The following DOCK3 variants were observed in gnomAD, a reference collection of about 807,000 sequenced individuals.
DOCK3 encodes the protein dedicator of cytokinesis protein 3.
A neutral mutation model predicts 265.6 loss-of-function variants in DOCK3; 60 were observed. The ratio of observed to expected loss-of-function variants is 0.23; its 90% CI spans 0.18 to 0.28. The LOEUF (loss-of-function observed/expected upper bound fraction) is 0.28. DOCK3 is among the 10% of genes least tolerant of loss of function. The pLI is 1.00. For synonymous variants in DOCK3, 881 were observed against 938.0 expected (o/e 0.94, Z 1.11); for missense variants, 1,981 against 2,594.3 (o/e 0.76, Z 5.14).
At chr3:50,979,469 G>A (rs2077611707) in intron 5 of DOCK3, among the ~76,000 whole-genome samples, 1 of 152,100 alleles carries the variant, frequency 6.6e-6, no homozygotes, top group East Asian at 1.9e-4. Flanking sequence ...TGCTCTGTTA[G>A]TTTATATGAG....
intron 32 of DOCK3, among the ~76,000 whole-genome samples, chr3:51,316,585 A>G (rs1174769521): frequency 6.6e-6 from 1 of 152,256 alleles, no homozygotes; most frequent in Non-Finnish European, 1.5e-5. Flanking sequence ...TCTCAGCAGC[A>G]GTATATAATC....
chr3:50,940,289 CAA>C (rs34253657), intron 5 of DOCK3, among the ~76,000 whole-genome samples: 12,155 of 117,344 alleles, frequency 0.1, 667 homozygotes, highest in Non-Finnish European at 0.14. Flanking sequence ...CCATTTCTAC[CAA>C]AAAAAAAAAA....
intron 14 of DOCK3, among the ~76,000 whole-genome samples, chr3:51,220,293 G>A (rs1022371567): frequency 6.6e-6 from 1 of 152,132 alleles, no homozygotes; most frequent in African/African-American, 2.4e-5. Flanking sequence ...TCTTAAGGAA[G>A]AGAAAGCACA....
At chr3:51,226,086 T>A (rs777263183) in intron 15 of DOCK3, among the ~76,000 whole-genome samples, 1 of 152,180 alleles carries the variant, frequency 6.6e-6, no homozygotes, top group African/African-American at 2.4e-5. Flanking sequence ...CTGCCTACTT[T>A]TGGTAACTGT....
intron 5 of DOCK3, among the ~76,000 whole-genome samples, chr3:51,032,260 A>G (rs779162947): frequency 6.6e-6 from 1 of 152,140 alleles, no homozygotes; most frequent in Non-Finnish European, 1.5e-5. Context: ...CAATCTTGAT[A>G]AAACAGAAAA....
At chr3:51,097,591 A>G (rs2082908074) in intron 9 of DOCK3, among the ~76,000 whole-genome samples, 1 of 152,196 alleles carries the variant, frequency 6.6e-6, no homozygotes, top group Non-Finnish European at 1.5e-5. Flanking sequence ...CCCTGGCTTC[A>G]GTCCCCTTTC....
intron 9 of DOCK3, among the ~76,000 whole-genome samples, chr3:51,106,184 G>A (rs2083272501): frequency 6.6e-6 from 1 of 152,218 alleles, no homozygotes; most frequent in African/African-American, 2.4e-5. Context: ...TCTGGCCCAT[G>A]AGATAGAGCC....
At chr3:51,233,358 C>CTATTTATT (rs771753831) in intron 19 of DOCK3, among the ~76,000 whole-genome samples, 73 of 61,172 alleles carry the variant, frequency 1.2e-3, no homozygotes, top group South Asian at 3.1e-3. Context: ...ATCTATCTAT[C>CTATTTATT]TATTTATTTA....
At chr3:50,908,388 T>G (rs2049664388) in intron 4 of DOCK3, among the ~76,000 whole-genome samples, 1 of 152,100 alleles carries the variant, frequency 6.6e-6, no homozygotes, top group Non-Finnish European at 1.5e-5. Context: ...GTCTTAACCC[T>G]GCTTTAGCAG....
chr3:51,115,161 G>T (rs571027896), intron 9 of DOCK3, among the ~76,000 whole-genome samples: 4 of 152,320 alleles, frequency 2.6e-5, no homozygotes, highest in African/African-American at 9.6e-5. Flanking sequence ...TATATACCCA[G>T]TAATGGGATT....
chr3:50,933,595 G>A (rs1357604097), intron 4 of DOCK3, among the ~76,000 whole-genome samples: 4 of 151,164 alleles, frequency 2.6e-5, no homozygotes, highest in African/African-American at 9.7e-5. Flanking sequence ...TTTAACTGAG[G>A]GTATGAGCAA....
chr3:51,080,724 A>G (rs1016584568), intron 7 of DOCK3, among the ~76,000 whole-genome samples: 4 of 152,332 alleles, frequency 2.6e-5, no homozygotes, highest in African/African-American at 4.8e-5. Context: ...TTGAAAATTT[A>G]TGACTACCAA....
At chr3:51,191,375 C>T (rs4453876) in intron 12 of DOCK3, among the ~76,000 whole-genome samples, 138,737 of 152,114 alleles carry the variant, frequency 0.91, 63,408 homozygotes, top group African/African-American at 0.96. Context: ...TCCCCTGTGA[C>T]GTAGAATGAG....
rs578075164 is a variant in DOCK3, at chr3:50,760,715, T to A, written c.38-17960T>A. On this transcript the variant is annotated intron_variant, in intron 1 of 52. Coordinates refer to ENST00000266037, the MANE Select transcript of DOCK3 (RefSeq NM_004947.5). ...ACCACGTTGTTAGTCGAGGAGCATC[T>A]GTACAGATTGTGTATCCTGCAATCT... 7.2e-5 allele frequency among the ~76,000 whole-genome samples: 11 copies of A among 152,334 alleles called. No individual in the cohort carries two copies. The East Asian group carries it at 2.1e-3, about 29-fold the overall frequency.
chr3:51,330,091 T>G, intron 32 of DOCK3, 47 bp from the exon 33 acceptor site: 5 of 1,547,012 alleles, frequency 3.2e-6, no homozygotes, highest in Non-Finnish European at 4.4e-6. Flanking sequence ...TTTCCCATTC[T>G]TTTTCTGAGG....
chr3:51,148,826 G>A (rs1001939646), intron 10 of DOCK3, among the ~76,000 whole-genome samples: 3 of 152,014 alleles, frequency 2.0e-5, no homozygotes, highest in Non-Finnish European at 2.9e-5. Flanking sequence ...GGCAATGTGG[G>A]CTCTTTTTTG....
At chr3:51,249,063 C>G (rs1248153022) in intron 22 of DOCK3, among the ~76,000 whole-genome samples, 1 of 150,956 alleles carries the variant, frequency 6.6e-6, no homozygotes, top group Non-Finnish European at 1.5e-5. Context: ...AAGTGAGGAG[C>G]GTCTCCGCCC....
chr3:50,748,501 C>T (rs1455003177), intron 1 of DOCK3, among the ~76,000 whole-genome samples: 1 of 152,112 alleles, frequency 6.6e-6, no homozygotes, highest in African/African-American at 2.4e-5. Flanking sequence ...AATGAATAGT[C>T]AGTTAAGAGT....
intron 5 of DOCK3, among the ~76,000 whole-genome samples, chr3:50,992,516 C>T (rs956684236): frequency 2.6e-5 from 4 of 152,144 alleles, no homozygotes; most frequent in Admixed American, 6.5e-5. Context: ...AGGCTGGTCT[C>T]GAACTCCTGA....
Sources: gnomAD v4.1 joint callset for allele counts (sites outside exome capture counted in the v4.1 genomes callset) on GRCh38, gnomAD v4.1.1 for gene constraint, MANE v1.5 for transcripts, NCBI Gene and HGNC (gene_info 2026-07-23, HGNC 2026-07-21) for gene names.